RGS12: variants seen among roughly 807,000 people sequenced by gnomAD.
The protein encoded by RGS12 is regulator of G-protein signaling 12.
A neutral mutation model predicts 120.1 loss-of-function variants in RGS12; 66 were observed. That is an observed-to-expected ratio of 0.55 (90% confidence interval 0.45 to 0.67). The LOEUF (loss-of-function observed/expected upper bound fraction) is 0.67, where lower values mean the gene tolerates loss of function less well. RGS12 is among the 30% of genes least tolerant of loss of function. RGS12 has a pLI of 0.00. For synonymous variants in RGS12, 827 were observed against 804.7 expected, an observed-to-expected ratio of 1.03 and a Z score of -0.47; for missense variants, 1,859 against 1,957.7, an observed-to-expected ratio of 0.95 and a Z score of 0.95.
In RGS12 at chr4:3,365,268, T is replaced by A. The variant is rs927343465; in HGVS notation, c.1999-21148T>A. On this transcript the variant is annotated intron_variant, in intron 3 of 17. Transcript: ENST00000336727. This position sits in a 1 kb window ranked among gnomAD's most constrained non-coding sequence, Gnocchi z 4.0. ...GCTGCAGTTCCGTCTGCTGTTTTCA[T>A]GCTACAGCGGCAGAGTGGGGTCGAG... Among the ~76,000 whole-genome samples, 1 of 152,300 alleles carries A rather than the reference T, an allele frequency of 6.6e-6. No individual in the cohort carries two copies. Among genetic ancestry groups the A allele is most frequent in the South Asian group, 2.1e-4 (1 of 4,828 alleles).
chr4:3,430,858 G>C lies in RGS12; in HGVS notation c.4017G>C (p.Glu1339Asp). 6.2e-7 allele frequency: 1 copy of C among 1,612,166 alleles called. No individual in the cohort carries two copies. Among genetic ancestry groups the C allele is most frequent in the Non-Finnish European group, 8.5e-7 (1 of 1,179,680 alleles). Residue 1339 changes from glutamate to aspartate, a missense_variant, in exon 17 of 18, where the codon GAG (glutamate) becomes GAC (aspartate). By Grantham distance (45) the Glu-to-Asp change is conservative (BLOSUM62 2). Around this residue, in one of 3 missense-constraint regions of RGS12, gnomAD observed 517 missense variants for 488.5 expected, o/e 1.06. Transcript: ENST00000336727. ...IQTVEDEHVA[E>D]LTLMGEGDIS... The stretch of plus-strand genomic sequence containing the variant: ...CGGTGGAGGATGAGCACGTGGCCGA[G>C]CTGACCCTGATGGGGGAGGGGGACA...
intron 2 of RGS12, among the ~76,000 whole-genome samples, chr4:3,326,960 A>G (rs1388092227): frequency 1.3e-5 from 2 of 152,240 alleles, no homozygotes; most frequent in East Asian, 1.9e-4. Flanking sequence ...AGAAAACGCA[A>G]TCCTAAAATT....
At position 3,414,443 on chromosome 4, in the gene RGS12, A is replaced by G. The variant is rs1577071785; in HGVS notation, c.2190+202A>G. ...GAATCCTGCCCCTGGTTCTGCCCCCAGGGAGCGTCCCTGGCCCTCCCGCTC... is the reference window on the plus strand; with the variant it reads ...GAATCCTGCCCCTGGTTCTGCCCCCGGGGAGCGTCCCTGGCCCTCCCGCTC... On this transcript the variant is annotated intron_variant, in intron 5 of 17. Coordinates refer to ENST00000336727, the MANE Select transcript of RGS12 (RefSeq NM_001394154.1). 2.2e-5 allele frequency: 14 copies of G among 637,988 alleles called. 1 individual carries two copies. The South Asian group carries it at 3.0e-4, about 14-fold the overall frequency. 39.5% of individuals were successfully genotyped at this position (637,988 alleles called of 1,614,324 possible).
At position 3,317,108 on chromosome 4, in the gene RGS12, G is replaced by A. The variant is rs1411792700; in HGVS notation, c.938G>A (p.Gly313Glu). The part of the protein sequence containing the change: ...AVCPDDRRFF[G>E]LVTMQTNDDG... ...TGCCCGGACGACCGGCGATTTTTCG[G>A]GTTGGTTACCATGCAGACGAATGAC... is the stretch of plus-strand genomic sequence containing the variant. Residue 313 changes from glycine to glutamate, a missense_variant, in exon 2 of 18, where the codon GGG becomes GAG. Gly to Glu is a moderately conservative substitution (Grantham distance 98). Coordinates refer to ENST00000336727, the MANE Select transcript of RGS12 (RefSeq NM_001394154.1). The A allele has an allele frequency of 6.2e-7, 1 of 1,613,710 alleles. No homozygotes were observed.
chr4:3,363,676 C>T (rs1318457428), intron 3 of RGS12, among the ~76,000 whole-genome samples: 3 of 151,760 alleles, frequency 2.0e-5, no homozygotes, highest in East Asian at 3.9e-4. Context: ...GGCGGCAGCG[C>T]GTGGACCTGC....
intron 14 of RGS12, 92 bp downstream of exon 14, chr4:3,425,652 TG>T: frequency 1.1e-5 from 1 of 88,302 alleles, no homozygotes; most frequent in Non-Finnish European, 1.9e-5. Context: ...AGGGGGTGAG[TG>T]GGGCCAGTGC....
At chr4:3,434,217 G>A (rs1043396034) in intron 17 of RGS12, among the ~76,000 whole-genome samples, 2 of 152,186 alleles carry the variant, frequency 1.3e-5, no homozygotes, top group Non-Finnish European at 2.9e-5. Flanking sequence ...AACCGGCAGA[G>A]GAAATGCCAG....
chr4:3,301,316 A>AT (rs1723674153), intron 1 of RGS12, among the ~76,000 whole-genome samples: 1 of 152,164 alleles, frequency 6.6e-6, no homozygotes, highest in Non-Finnish European at 1.5e-5. Context: ...ATTGGCAATG[A>AT]TTTTGTCTTT....
rs776234568 is a variant in RGS12 at position 3,423,495 on chromosome 4, A to T, written c.3108-20A>T. 11 of 1,612,162 alleles carry T rather than the reference A, an allele frequency of 6.8e-6. No individual in the cohort carries two copies. In the South Asian group the frequency reaches 9.9e-5, roughly 14 times the overall value. ...GAGGGCTGACATGAGTTGGTAGTGA[A>T]TTTTTTCATCCCCCACCAGGCTGGA... On this transcript the variant is annotated intron_variant, in intron 12 of 17. Transcript: ENST00000336727.
At chr4:3,362,377 G>T (rs569780503) in intron 3 of RGS12, among the ~76,000 whole-genome samples, 1 of 151,912 alleles carries the variant, frequency 6.6e-6, no homozygotes, top group African/African-American at 2.4e-5. Context: ...GAGGGTGTCA[G>T]TGTGTGAGGA....
At chr4:3,335,743 T>C (rs554895539) in intron 2 of RGS12, among the ~76,000 whole-genome samples, 1 of 152,236 alleles carries the variant, frequency 6.6e-6, no homozygotes, top group Admixed American at 6.5e-5. Flanking sequence ...ACTATGATCG[T>C]ACCCCTGCGC....
At position 3,417,433 on chromosome 4, in the gene RGS12, G is replaced by C. The variant is rs759809438; in HGVS notation, c.2653G>C (p.Gly885Arg). ...CGGCCGATCCCTGAATGAAGAGCTG[G>C]GGGATGAGGACAGCGAGAAGAAGCG... ...KSGRSLNEEL[G>R]DEDSEKKRKG... Residue 885 changes from glycine to arginine, a missense_variant, in exon 9 of 18, where the codon GGG (glycine) becomes CGG (arginine). Physicochemically the swap from Gly to Arg is moderately radical, Grantham distance 125. Around this residue, in one of 3 missense-constraint regions of RGS12, gnomAD observed 375 missense variants for 475.0 expected, o/e 0.79. Transcript: ENST00000336727. 5.4e-5 allele frequency: 86 copies of C among 1,601,022 alleles called. No homozygotes were observed. The Admixed American group carries it at 1.5e-3, about 27-fold the overall frequency.
rs1348674930 is a variant in RGS12 at position 3,365,523 on chromosome 4, C to T, written c.1999-20893C>T. On this transcript the variant is annotated intron_variant, in intron 3 of 17. Transcript: ENST00000336727. This position sits in a 1 kb window ranked among gnomAD's most constrained non-coding sequence, Gnocchi z 4.0. ...CCAGAGCTGTAAATCCCAGCAAAAACCGACGGAGCCCTGAGTCCGACCTAA... is the reference window on the plus strand; with the variant it reads ...CCAGAGCTGTAAATCCCAGCAAAAATCGACGGAGCCCTGAGTCCGACCTAA... 6.6e-6 allele frequency among the ~76,000 whole-genome samples: 1 copy of T among 152,136 alleles called. No homozygotes were observed. The highest frequency in any genetic ancestry group is 1.5e-5 in the Non-Finnish European group (1 of 68,024).
At chr4:3,315,678 G>T (rs914837229) in intron 1 of RGS12, among the ~76,000 whole-genome samples, 8 of 152,220 alleles carry the variant, frequency 5.3e-5, no homozygotes, top group African/African-American at 1.4e-4. Flanking sequence ...CCTGTGAAAC[G>T]TGGGTTTGGG....
chr4:3,352,669 T>C (rs1714475191), intron 3 of RGS12, among the ~76,000 whole-genome samples: 1 of 152,194 alleles, frequency 6.6e-6, no homozygotes, highest in South Asian at 2.1e-4. Flanking sequence ...AAGGGTGGCA[T>C]GATTCTGAGG....
At chr4:3,398,147 G>T (rs1443256260) in intron 4 of RGS12, among the ~76,000 whole-genome samples, 1 of 152,150 alleles carries the variant, frequency 6.6e-6, no homozygotes, top group African/African-American at 2.4e-5. Context: ...ATTTGTAATG[G>T]CATTTTAATT....
chr4:3,428,252 C>T (rs924213737), intron 15 of RGS12, 83 bp downstream of exon 15: 1 of 1,242,148 alleles, frequency 8.1e-7, no homozygotes, highest in Non-Finnish European at 1.2e-6. Flanking sequence ...CTGGTGCTTC[C>T]TTACCGCCTG....
intron 10 of RGS12, among the ~76,000 whole-genome samples, chr4:3,422,099 T>A (rs1639316306): frequency 6.6e-6 from 1 of 152,006 alleles, no homozygotes; most frequent in Non-Finnish European, 1.5e-5. Context: ...TGCTTCTGGG[T>A]GGAGAAGCCC....
At chr4:3,376,354 C>T (rs768203889) in intron 3 of RGS12, among the ~76,000 whole-genome samples, 6 of 152,040 alleles carry the variant, frequency 3.9e-5, no homozygotes, top group Non-Finnish European at 5.9e-5. Context: ...CCCCGCAGAC[C>T]GTGGTGGCTG....
Sources: gnomAD v4.1 joint callset for allele counts (sites outside exome capture counted in the v4.1 genomes callset) on GRCh38, gnomAD v4.1.1 for gene constraint, gnomAD v4.1.1 regional missense constraint, Gnocchi (gnomAD v3.1) non-coding constraint, MANE v1.5 for transcripts, NCBI Gene and HGNC (gene_info 2026-07-23, HGNC 2026-07-21) for gene names.